Variants in ARID1A observed in about 807,000 individuals in gnomAD.
The protein encoded by ARID1A is AT-rich interactive domain-containing protein 1A.
Under a neutral mutation model 212.6 loss-of-function variants are expected in ARID1A, and 20 were observed. The ratio of observed to expected loss-of-function variants is 0.09; its 90% CI spans 0.07 to 0.14. The LOEUF (loss-of-function observed/expected upper bound fraction) is 0.14, where lower values mean the gene tolerates loss of function less well. ARID1A is among the 10% of genes least tolerant of loss of function. The pLI is 1.00. For missense variants in ARID1A, 2,587 were observed against 3,059.0 expected, an observed-to-expected ratio of 0.85 and a Z score of 3.64; for synonymous variants, 1,376 against 1,222.1, an observed-to-expected ratio of 1.13 and a Z score of -2.63.
At chr1:26,699,429 G>A (rs1384184056) in intron 1 of ARID1A, among the ~76,000 whole-genome samples, 3 of 152,262 alleles carry the variant, frequency 2.0e-5, no homozygotes, top group East Asian at 1.9e-4. Context: ...TTTGTGCTAG[G>A]AGGAAATTTT....
At chr1:26,734,392 C>G (rs2080709487) in intron 4 of ARID1A, among the ~76,000 whole-genome samples, 1 of 140,542 alleles carries the variant, frequency 7.1e-6, no homozygotes, top group African/African-American at 2.7e-5. Context: ...TCCAGAGATG[C>G]TACATGCCTT....
At position 26,696,372 on chromosome 1, in the gene ARID1A, C is replaced by T. The variant is rs1298005381; in HGVS notation, c.-32C>T. 5.7e-6 allele frequency: 7 copies of T among 1,235,418 alleles called. No homozygotes were observed. Among genetic ancestry groups the T allele is most frequent in the East Asian group, 3.3e-5 (1 of 29,992 alleles). 76.5% of individuals were successfully genotyped at this position (1,235,418 alleles called of 1,614,324 possible). A position where few individuals can be genotyped will look rare whatever the true frequency, so the allele number is the denominator to read the frequency against. The stretch of plus-strand genomic sequence containing the variant: ...GGGGGGGAGAAGACGAAGACAGGGC[C>T]GGGTCTCTCCGCGGACGAGACAGCG... On this transcript the variant is annotated 5_prime_UTR_variant, in exon 1 of 20. Transcript: ENST00000324856.
At chr1:26,719,898 G>A (rs1225491805) in intron 1 of ARID1A, among the ~76,000 whole-genome samples, 2 of 140,374 alleles carry the variant, frequency 1.4e-5, no homozygotes, top group African/African-American at 2.7e-5. Context: ...CCGAGATCGC[G>A]CCATTACACT....
intron 1 of ARID1A, among the ~76,000 whole-genome samples, chr1:26,722,005 A>G (rs1007123186): frequency 3.3e-5 from 5 of 152,148 alleles, no homozygotes; most frequent in Admixed American, 1.3e-4. Flanking sequence ...GAGATATGGT[A>G]GTCTATATAT....
intron 11 of ARID1A, 80 bp downstream of exon 11, chr1:26,768,079 C>T (rs1359552015): frequency 3.5e-6 from 5 of 1,413,762 alleles, no homozygotes; most frequent in African/African-American, 2.9e-5. Flanking sequence ...TCATGTGGTA[C>T]CATGCATCCC....
At chr1:26,704,149 A>T (rs1024847118) in intron 1 of ARID1A, among the ~76,000 whole-genome samples, 1 of 152,124 alleles carries the variant, frequency 6.6e-6, no homozygotes, top group Non-Finnish European at 1.5e-5. Context: ...TGACTTTGAG[A>T]ATTTGGACTC....
chr1:26,702,265 G>T (rs2124751289), intron 1 of ARID1A, among the ~76,000 whole-genome samples: 1 of 152,292 alleles, frequency 6.6e-6, no homozygotes, highest in South Asian at 2.1e-4. Context: ...CATCGCTATG[G>T]TTTAAAAAAC....
intron 4 of ARID1A, among the ~76,000 whole-genome samples, chr1:26,737,972 G>A (rs978096560): frequency 6.6e-6 from 1 of 151,994 alleles, no homozygotes; most frequent in East Asian, 1.9e-4. Flanking sequence ...GGTGAATCCC[G>A]ATTTGCAGGT....
At chr1:26,746,541 G>C (rs1194914732) in intron 4 of ARID1A, among the ~76,000 whole-genome samples, 1 of 152,230 alleles carries the variant, frequency 6.6e-6, no homozygotes, top group Non-Finnish European at 1.5e-5. Context: ...TTAAGCCAAG[G>C]TGAGAATCTG....
intron 1 of ARID1A, among the ~76,000 whole-genome samples, chr1:26,700,787 A>G (rs2080325066): frequency 6.6e-6 from 1 of 152,240 alleles, no homozygotes; most frequent in South Asian, 2.1e-4. Context: ...TGGCTGAAAT[A>G]CAGGACTCTT....
intron 13 of ARID1A, 85 bp downstream of exon 13, chr1:26,772,717 G>A (rs2124105707): frequency 6.2e-7 from 1 of 1,607,628 alleles, no homozygotes; most frequent in African/African-American, 1.3e-5. Context: ...GGTGGTCCTT[G>A]CCTCTGCCTT....
At chr1:26,776,542 G>C (rs2081138088) in intron 19 of ARID1A, among the ~76,000 whole-genome samples, 1 of 152,138 alleles carries the variant, frequency 6.6e-6, no homozygotes, top group Non-Finnish European at 1.5e-5. Context: ...CAAAGTGCTG[G>C]GATTACAGGC....
At chr1:26,720,151 T>C (rs1258979688) in intron 1 of ARID1A, among the ~76,000 whole-genome samples, 1 of 151,010 alleles carries the variant, frequency 6.6e-6, no homozygotes, top group Non-Finnish European at 1.5e-5. Flanking sequence ...CTCAGGAGGT[T>C]GAGGTAGGAG....
intron 4 of ARID1A, among the ~76,000 whole-genome samples, chr1:26,737,986 G>A (rs939395153): frequency 2.0e-5 from 3 of 152,060 alleles, no homozygotes; most frequent in Admixed American, 1.3e-4. Flanking sequence ...TGCAGGTAGA[G>A]ATCTATTCCA....
At chr1:26,703,121 T>C (rs1447701765) in intron 1 of ARID1A, among the ~76,000 whole-genome samples, 2 of 152,206 alleles carry the variant, frequency 1.3e-5, no homozygotes, top group Non-Finnish European at 2.9e-5. Flanking sequence ...ACTGGACTTC[T>C]GTGTATCACT....
chr1:26,697,585 G>C (rs1435924103), intron 1 of ARID1A, 45 bp downstream of exon 1: 1 of 1,282,722 alleles, frequency 7.8e-7, no homozygotes, highest in Non-Finnish European at 9.8e-7. Flanking sequence ...CGTGGTCCTG[G>C]GGGTGGGTGG....
chr1:26,762,018 T>C lies in ARID1A; in HGVS notation c.2252-134T>C, dbSNP rs568146958. On this transcript the variant is annotated intron_variant, in intron 6 of 19. Transcript: ENST00000324856. ...GTGCCTAAAATGACACACCACTATA[T>C]AGAAAATCAGATAGAGACTCCATGC... 5 of 1,036,356 alleles carry C rather than the reference T, an allele frequency of 4.8e-6. No individual in the cohort carries two copies. The East Asian group carries it at 1.0e-4, about 22-fold the overall frequency. The allele number at this position is 1,036,356 out of a possible 1,614,324, so 64.2% of individuals were successfully genotyped here.
intron 4 of ARID1A, among the ~76,000 whole-genome samples, chr1:26,751,901 G>A (rs948300644): frequency 2.6e-5 from 4 of 152,202 alleles, no homozygotes; most frequent in African/African-American, 9.7e-5. Context: ...GTATCAGGAA[G>A]AATGAATCAT....
In ARID1A at chr1:26,718,011, G is replaced by A. The variant is rs999229011; in HGVS notation, c.1138-11640G>A. ...TTGTTTCTGAGATGAAGTTTGCTCTGTTGCTCAGGCTGGAGTGCAAAGGTG... is the reference window on the plus strand; with the variant it reads ...TTGTTTCTGAGATGAAGTTTGCTCTATTGCTCAGGCTGGAGTGCAAAGGTG... On this transcript the variant is annotated intron_variant, in intron 1 of 19. Transcript: ENST00000324856. 3.3e-5 allele frequency among the ~76,000 whole-genome samples: 5 copies of A among 152,164 alleles called. No homozygotes were observed. In the South Asian group the frequency reaches 8.3e-4, roughly 25 times the overall value.
Sources: allele counts gnomAD v4.1 joint callset (sites outside exome capture counted in the v4.1 genomes callset), GRCh38; gene constraint gnomAD v4.1.1; transcripts MANE v1.5; gene names NCBI Gene and HGNC (gene_info 2026-07-23, HGNC 2026-07-21).